Variants in CYP4F12 observed in about 807,000 individuals in gnomAD.
CYP4F12 encodes cytochrome P450 family 4 subfamily F member 12.
Under a neutral mutation model 56.5 loss-of-function variants are expected in CYP4F12, and 60 were observed. The observed-to-expected ratio is 1.06, with a 90% CI of 0.86 to 1.32. The LOEUF (loss-of-function observed/expected upper bound fraction) is 1.32. CYP4F12 is among the 40% of genes most tolerant of loss of function. The pLI is 0.00. For synonymous variants in CYP4F12, 263 were observed against 264.9 expected (o/e 0.99, Z 0.07); for missense variants, 711 against 683.5 (o/e 1.04, Z -0.45).
Position 15,673,466 on chromosome 19 carries a change from C to A in CYP4F12, c.-1-63C>A. On this transcript the variant is annotated intron_variant, in intron 1 of 12. Transcript: ENST00000550308. Reference sequence around the variant, plus strand: ...AGCAGTTCCTGACTTCGCCCCTATACACTGTCCCCGGAGCTCTTCCCTGGG... The same window carrying A: ...AGCAGTTCCTGACTTCGCCCCTATAAACTGTCCCCGGAGCTCTTCCCTGGG... The A allele has an allele frequency of 2.0e-6, 3 of 1,524,524 alleles. No homozygotes were observed. The South Asian group carries it at 3.4e-5, about 17-fold the overall frequency. The allele number at this position is 1,524,524 out of a possible 1,614,324, so 94.4% of individuals were successfully genotyped here.
At chr19:15,694,666 T>C (rs979732458) in intron 9 of CYP4F12, among the ~76,000 whole-genome samples, 4 of 152,226 alleles carry the variant, frequency 2.6e-5, no homozygotes, top group Non-Finnish European at 5.9e-5. Context: ...CTTTTCCTAA[T>C]TGAATAACCT....
chr19:15,674,673 A>ACTCCCTCATTCCT (rs2006826592), intron 2 of CYP4F12, among the ~76,000 whole-genome samples: 2 of 152,070 alleles, frequency 1.3e-5, no homozygotes, highest in African/African-American at 2.4e-5. Context: ...TCCTCTCCTC[A>ACTCCCTCATTCCT]CTCACTCATT....
At chr19:15,684,115 A>G (rs866425344) in intron 7 of CYP4F12, 12 of 168,476 alleles carry the variant, frequency 7.1e-5, no homozygotes, top group Middle Eastern at 6.0e-3. Flanking sequence ...TTACAGCAGT[A>G]ACAGCAGGTG....
At chr19:15,696,807 G>A (rs2144774427) in intron 12 of CYP4F12, 101 bp from the exon 13 acceptor site, 2 of 1,423,158 alleles carry the variant, frequency 1.4e-6, no homozygotes, top group South Asian at 2.8e-5. Flanking sequence ...TCTCTCTCAG[G>A]CTGAGCTGGG....
Position 15,679,103 on chromosome 19 carries a change from T to C in CYP4F12, c.343+698T>C, listed in dbSNP as rs182980590. Among the ~76,000 whole-genome samples, 302 of 152,330 alleles carry C rather than the reference T, an allele frequency of 2.0e-3. 1 individual carries two copies. The highest frequency in any genetic ancestry group is 7.0e-3 in the African/African-American group (289 of 41,578). On this transcript the variant is annotated intron_variant, in intron 3 of 12. Coordinates refer to ENST00000550308, the MANE Select transcript of CYP4F12 (RefSeq NM_023944.4). ...CTTCTCATCCTTGGACACACCAGGC[T>C]GAGCTAGGGAAGTGGCAGCATCCCA...
intron 3 of CYP4F12, 95 bp downstream of exon 3, chr19:15,678,500 A>T: frequency 6.8e-7 from 1 of 1,475,886 alleles, no homozygotes; most frequent in Non-Finnish European, 9.3e-7. Context: ...CGTGCCCCTC[A>T]TTGAGACTTC....
intron 2 of CYP4F12, 29 bp downstream of exon 2, chr19:15,673,756 G>A (rs1355099732): frequency 6.2e-7 from 1 of 1,610,748 alleles, no homozygotes; most frequent in East Asian, 2.2e-5. Flanking sequence ...TGTGTCTGGG[G>A]TCTCAGGGTG....
intron 9 of CYP4F12, among the ~76,000 whole-genome samples, chr19:15,691,473 C>T (rs1051118990): frequency 1.3e-5 from 2 of 152,082 alleles, no homozygotes; most frequent in Non-Finnish European, 2.9e-5. Context: ...CACAAATTTG[C>T]CAATAGTATT....
chr19:15,677,982 A>C (rs200391465), intron 2 of CYP4F12, among the ~76,000 whole-genome samples: 53 of 4,050 alleles, frequency 0.013, 3 homozygotes, highest in African/African-American at 0.016. Context: ...TCACTCACTC[A>C]TTCCTCTCCT....
At chr19:15,681,673 T>C (rs141187805) in intron 5 of CYP4F12, 3,482 of 152,220 alleles carry the variant, frequency 0.023, 14 homozygotes, top group African/African-American at 0.08. Flanking sequence ...AGTCATTGCC[T>C]TATCTCTCCA....
chr19:15,681,677 C>A (rs1390140277), intron 5 of CYP4F12: 4 of 152,256 alleles, frequency 2.6e-5, no homozygotes, highest in African/African-American at 9.7e-5. Context: ...ATTGCCTTAT[C>A]TCTCCAGGTG....
At chr19:15,676,092 GAAGA>G (rs2006906048) in intron 2 of CYP4F12, among the ~76,000 whole-genome samples, 1 of 152,150 alleles carries the variant, frequency 6.6e-6, no homozygotes. Flanking sequence ...CCCAGCAGCA[GAAGA>G]GAGAGCAAGT....
chr19:15,695,978 GGA>G lies in CYP4F12; in HGVS notation c.1162_1163del (p.Ser388ProfsTer50). 6.2e-7 allele frequency: 1 copy of G among 1,614,026 alleles called. No individual in the cohort carries two copies. Among genetic ancestry groups the G allele is most frequent in the Non-Finnish European group, 8.5e-7 (1 of 1,179,952 alleles). ...TGCCCTTCCTGACCATGTGCGTGAA[GGA>G]GAGCCTGAGGTTACATCCCCCAGCT... ...QLPFLTMCVK[E>X]SLRLHPPAPF... On this transcript the variant is annotated frameshift_variant, in exon 10 of 13. Coordinates refer to ENST00000550308, the MANE Select transcript of CYP4F12 (RefSeq NM_023944.4). LOFTEE classifies it high-confidence loss of function.
At chr19:15,675,533 T>C (rs35974512) in intron 2 of CYP4F12, among the ~76,000 whole-genome samples, 41,849 of 152,118 alleles carry the variant, frequency 0.28, 6,585 homozygotes, top group East Asian at 0.7. Context: ...GCCACACTGC[T>C]GCCCACAAAC....
intron 7 of CYP4F12, 107 bp from the exon 8 acceptor site, chr19:15,684,709 C>T (rs2007503498): frequency 1.8e-6 from 2 of 1,133,242 alleles, no homozygotes; most frequent in Non-Finnish European, 2.5e-6. Flanking sequence ...ATCAGAGCTT[C>T]AGAGATTATC....
chr19:15,694,235 G>A (rs1186018661), intron 9 of CYP4F12, among the ~76,000 whole-genome samples: 1 of 151,950 alleles, frequency 6.6e-6, no homozygotes, highest in Non-Finnish European at 1.5e-5. Flanking sequence ...GAAAGTCATT[G>A]GTAGCTTGAT....
At chr19:15,679,094 A>G (rs2007142696) in intron 3 of CYP4F12, among the ~76,000 whole-genome samples, 1 of 152,176 alleles carries the variant, frequency 6.6e-6, no homozygotes, top group African/African-American at 2.4e-5. Context: ...ATCCTTGGAC[A>G]CACCAGGCTG....
At position 15,676,043 on chromosome 19, in the gene CYP4F12, T is replaced by G. The variant is rs376974450; in HGVS notation, c.199-2218T>G. ...AATTCAGCCTGAGTCCAGAAAGGCC[T>G]GAGTCCCTGGAGTTCTGAGGGCAGG... is the stretch of plus-strand genomic sequence containing the variant. On this transcript the variant is annotated intron_variant, in intron 2 of 12. Coordinates refer to ENST00000550308, the MANE Select transcript of CYP4F12 (RefSeq NM_023944.4). 1.6e-4 allele frequency among the ~76,000 whole-genome samples: 24 copies of G among 152,278 alleles called. No individual in the cohort carries two copies. In the East Asian group the frequency reaches 2.5e-3, roughly 16 times the overall value.
At position 15,696,185 on chromosome 19, in the gene CYP4F12, T is replaced by C. The variant is rs751537167; in HGVS notation, c.1274T>C (p.Ile425Thr). 9.9e-5 allele frequency: 159 copies of C among 1,614,006 alleles called. No individual in the cohort carries two copies. In the South Asian group the frequency reaches 1.3e-3, roughly 13 times the overall value. Residue 425 changes from isoleucine (I) to threonine (T), a missense_variant, in exon 11 of 13, where the codon ATA becomes ACA. Coordinates refer to ENST00000550308, the MANE Select transcript of CYP4F12 (RefSeq NM_023944.4). Reference protein sequence around the residue: ...PKGITCLIDIIGVHHNPTVWP... With the variant: ...PKGITCLIDITGVHHNPTVWP... ...GGCATTACCTGCCTCATCGATATTA[T>C]AGGGGTCCATCACAACCCAACTGTG...
Sources: gnomAD v4.1 joint callset for allele counts (sites outside exome capture counted in the v4.1 genomes callset) on GRCh38, gnomAD v4.1.1 for gene constraint, MANE v1.5 for transcripts, NCBI Gene and HGNC (gene_info 2026-07-23, HGNC 2026-07-21) for gene names.